SSBP2: variants seen among roughly 807,000 people sequenced by gnomAD.
SSBP2 encodes the protein single-stranded DNA-binding protein 2.
SSBP2 carries 17 observed loss-of-function variants against 61.8 expected under a neutral mutation model. That is an observed-to-expected ratio of 0.28 (90% CI 0.19 to 0.41). The LOEUF (loss-of-function observed/expected upper bound fraction) is 0.41, where lower values mean the gene tolerates loss of function less well. Ranked by LOEUF, SSBP2 falls within the 10% of genes least tolerant of loss-of-function variation. The pLI is 1.00. For synonymous variants in SSBP2, 139 were observed against 141.3 expected (o/e 0.98, Z 0.12); for missense variants, 310 against 458.7 (o/e 0.68, Z 2.96).
At chr5:81,615,093 A>T (rs1487498012) in intron 4 of SSBP2, 1 of 169,496 alleles carries the variant, frequency 5.9e-6, no homozygotes, top group Admixed American at 5.9e-5. Context: ...GTATTTCTAT[A>T]TTTAATCAAA....
chr5:81,496,908 T>C (rs75286836), intron 5 of SSBP2, among the ~76,000 whole-genome samples: 1,845 of 152,312 alleles, frequency 0.012, 40 homozygotes, highest in African/African-American at 0.042. Context: ...CATAAATAAA[T>C]TGTTTGATGT....
intron 1 of SSBP2, among the ~76,000 whole-genome samples, chr5:81,710,183 T>C (rs1581396358): frequency 6.6e-6 from 1 of 152,058 alleles, no homozygotes; most frequent in Non-Finnish European, 1.5e-5. Flanking sequence ...GACACAATGG[T>C]AACCATGGTC....
At chr5:81,561,248 G>C (rs1194636077) in intron 4 of SSBP2, among the ~76,000 whole-genome samples, 1 of 152,126 alleles carries the variant, frequency 6.6e-6, no homozygotes, top group African/African-American at 2.4e-5. Context: ...CAAAGAGACT[G>C]AGAATAGAAA....
intron 3 of SSBP2, among the ~76,000 whole-genome samples, chr5:81,635,685 G>A (rs977103795): frequency 6.6e-6 from 1 of 150,578 alleles, no homozygotes; most frequent in South Asian, 2.1e-4. Flanking sequence ...CCGGGTTCAC[G>A]CCATTCTCCT....
chr5:81,512,053 T>C (rs1179716631), intron 5 of SSBP2, among the ~76,000 whole-genome samples: 2 of 152,204 alleles, frequency 1.3e-5, no homozygotes, highest in Admixed American at 1.3e-4. Flanking sequence ...CTCCCTCTTT[T>C]AAAAGTGCCT....
Position 81,571,784 on chromosome 5 carries a change from T to C in SSBP2, c.282+43689A>G, listed in dbSNP as rs376568400. 3.3e-5 allele frequency among the ~76,000 whole-genome samples: 5 copies of C among 152,288 alleles called. No homozygotes were observed. In the East Asian group the frequency reaches 7.7e-4, roughly 23 times the overall value. On this transcript the variant is annotated intron_variant, in intron 4 of 16. Coordinates refer to ENST00000320672, the MANE Select transcript of SSBP2 (RefSeq NM_012446.5). Reference sequence around the variant, plus strand: ...AGAAAGTCCTGAAGGTAAATTTTCCTATTCTTCTGGCTGCCTTTTCCTATC... The same window carrying C: ...AGAAAGTCCTGAAGGTAAATTTTCCCATTCTTCTGGCTGCCTTTTCCTATC...
intron 1 of SSBP2, among the ~76,000 whole-genome samples, chr5:81,699,286 T>C (rs547160555): frequency 2.6e-5 from 4 of 152,320 alleles, no homozygotes; most frequent in South Asian, 4.1e-4. Context: ...GTCTGCTGCA[T>C]TGATTGACTC....
intron 1 of SSBP2, among the ~76,000 whole-genome samples, chr5:81,679,955 G>GGA (rs1486189539): frequency 8.6e-6 from 1 of 116,482 alleles, no homozygotes; most frequent in Non-Finnish European, 1.8e-5. Context: ...ATAAAAAGGT[G>GGA]GAAAAAAAAA....
At chr5:81,719,645 G>T (rs1435732984) in intron 1 of SSBP2, among the ~76,000 whole-genome samples, 1 of 152,134 alleles carries the variant, frequency 6.6e-6, no homozygotes, top group Non-Finnish European at 1.5e-5. Context: ...TTGGGAAGAA[G>T]AGTTTATTAC....
At chr5:81,535,913 A>G (rs1003691530) in intron 4 of SSBP2, among the ~76,000 whole-genome samples, 1 of 152,176 alleles carries the variant, frequency 6.6e-6, no homozygotes, top group Non-Finnish European at 1.5e-5. Flanking sequence ...TTAGAATTAA[A>G]AAACTTCTGC....
intron 1 of SSBP2, among the ~76,000 whole-genome samples, chr5:81,652,346 C>T (rs369439078): frequency 3.9e-5 from 6 of 152,110 alleles, no homozygotes; most frequent in Non-Finnish European, 8.8e-5. Context: ...AAAAAGTTTA[C>T]CTATTTACAA....
In SSBP2 at chr5:81,678,155, G is replaced by T. The variant is rs1311384420; in HGVS notation, c.63-27816C>A. On this transcript the variant is annotated intron_variant, in intron 1 of 16. Transcript: ENST00000320672. ...ATGACTAATATGCTAAGGCTTTAAT[G>T]AAAAAAGTAGACAATATGCAAGGAC... Among the ~76,000 whole-genome samples the T allele has an allele frequency of 3.9e-5, 6 of 152,158 alleles. No individual in the cohort carries two copies. In the East Asian group the frequency reaches 1.2e-3, roughly 29 times the overall value.
intron 1 of SSBP2, among the ~76,000 whole-genome samples, chr5:81,686,785 G>A (rs1381272020): frequency 6.6e-6 from 1 of 150,410 alleles, no homozygotes; most frequent in African/African-American, 2.4e-5. Flanking sequence ...AACCCAGGAG[G>A]TGAAGGTTGC....
chr5:81,697,908 TATA>T (rs1187119894), intron 1 of SSBP2, among the ~76,000 whole-genome samples: 1 of 151,970 alleles, frequency 6.6e-6, no homozygotes, highest in Non-Finnish European at 1.5e-5. Context: ...AAAATATAAG[TATA>T]ATTATCTGCC....
chr5:81,710,088 C>T (rs1347597), intron 1 of SSBP2, among the ~76,000 whole-genome samples: 49,328 of 151,736 alleles, frequency 0.33, 8,516 homozygotes, highest in Middle Eastern at 0.54. Context: ...AGAAAAAAAA[C>T]CAAGAGAGTG....
chr5:81,529,599 C>A (rs764013520), intron 4 of SSBP2, among the ~76,000 whole-genome samples: 3 of 152,102 alleles, frequency 2.0e-5, no homozygotes, highest in Non-Finnish European at 4.4e-5. Context: ...AAAACAACCA[C>A]ACATTGGTTT....
chr5:81,445,138 T>TATATATATATATATATATA (rs1453692261), intron 12 of SSBP2, among the ~76,000 whole-genome samples: 3 of 33,886 alleles, frequency 8.9e-5, no homozygotes, highest in African/African-American at 2.1e-4. Context: ...AAAAAAAATT[T>TATATATATATATATATATA]TATATATATA....
chr5:81,697,473 T>C (rs189675907), intron 1 of SSBP2, among the ~76,000 whole-genome samples: 6 of 152,354 alleles, frequency 3.9e-5, no homozygotes, highest in Admixed American at 2.0e-4. Context: ...TAACGTAGTA[T>C]TTATTTATAT....
intron 9 of SSBP2, among the ~76,000 whole-genome samples, chr5:81,466,112 C>CGT (rs111352512): frequency 0.018 from 2,747 of 152,052 alleles, 45 homozygotes; most frequent in South Asian, 0.1. Flanking sequence ...GATGGAAACA[C>CGT]ACTTGAGGAG....
Sources: allele counts gnomAD v4.1 joint callset (sites outside exome capture counted in the v4.1 genomes callset), GRCh38; gene constraint gnomAD v4.1.1; transcripts MANE v1.5; gene names NCBI Gene and HGNC (gene_info 2026-07-23, HGNC 2026-07-21).